The following STK38L variants were observed in gnomAD, a reference collection of about 807,000 sequenced individuals.
STK38L encodes the protein serine/threonine-protein kinase 38-like.
Under a neutral mutation model 59.7 loss-of-function variants are expected in STK38L, and 28 were observed. The observed-to-expected ratio is 0.47, with a 90% CI of 0.35 to 0.64. STK38L has a LOEUF of 0.64. Ranked by LOEUF, STK38L falls within the 30% of genes least tolerant of loss-of-function variation. The pLI is 0.01. For synonymous variants in STK38L, 162 were observed against 176.8 expected, an observed-to-expected ratio of 0.92 and a Z score of 0.66; for missense variants, 314 against 555.8, an observed-to-expected ratio of 0.56 and a Z score of 4.37.
intron 3 of STK38L, among the ~76,000 whole-genome samples, chr12:27,304,128 C>CTG (rs886577400): frequency 6.6e-6 from 1 of 151,474 alleles, no homozygotes. Context: ...GCATGGTGTC[C>CTG]TGTGTGTGTA....
chr12:27,260,256 A>G (rs1943177301), intron 1 of STK38L, among the ~76,000 whole-genome samples: 1 of 152,208 alleles, frequency 6.6e-6, no homozygotes, highest in South Asian at 2.1e-4. Flanking sequence ...GATATGGAAC[A>G]TTTCCCTTGT....
rs1380088858 is a variant in STK38L, at chr12:27,297,736, G to A, written c.16G>A (p.Gly6Arg). 1.2e-6 allele frequency: 2 copies of A among 1,613,592 alleles called. No individual in the cohort carries two copies. The highest frequency in any genetic ancestry group is 3.3e-5 in the Admixed American group (2 of 59,946). MAMTA[G>R]TTTTFPMSNH... ...TTCCGTTACTATGGCAATGACGGCA[G>A]GGACTACAACAACCTTTCCTATGAG... The change falls in exon 2 of 14, where the codon GGG becomes AGG. Residue 6 changes from glycine to arginine, a missense_variant. By Grantham distance (125) the Gly-to-Arg change is moderately radical. This residue lies in a region of STK38L where 192 missense variants were observed against 316.9 expected (regional missense o/e 0.61). Coordinates refer to ENST00000389032, the MANE Select transcript of STK38L (RefSeq NM_015000.4).
At chr12:27,279,051 T>C (rs1943596414) in intron 1 of STK38L, among the ~76,000 whole-genome samples, 1 of 152,226 alleles carries the variant, frequency 6.6e-6, no homozygotes, top group Non-Finnish European at 1.5e-5. Flanking sequence ...TTTTCAACTT[T>C]AGGTTGGGTT....
At chr12:27,250,043 C>T (rs1942939022) in intron 1 of STK38L, among the ~76,000 whole-genome samples, 1 of 152,110 alleles carries the variant, frequency 6.6e-6, no homozygotes, top group Admixed American at 6.5e-5. Context: ...CAGAAACTAA[C>T]ATGAGGGCAT....
At chr12:27,278,535 T>C (rs1363279543) in intron 1 of STK38L, among the ~76,000 whole-genome samples, 2 of 152,222 alleles carry the variant, frequency 1.3e-5, no homozygotes, top group East Asian at 1.9e-4. Context: ...GCTTGGTACA[T>C]TGATAGGTGC....
chr12:27,285,421 A>G (rs1305441825), intron 1 of STK38L, among the ~76,000 whole-genome samples: 2 of 152,018 alleles, frequency 1.3e-5, no homozygotes, highest in African/African-American at 2.4e-5. Flanking sequence ...AACTCAGTCT[A>G]TTTTTCAAGT....
Position 27,322,834 on chromosome 12 carries a change from G to A in STK38L, c.*379G>A, listed in dbSNP as rs568779292. 1.2e-5 allele frequency: 2 copies of A among 161,962 alleles called. No individual in the cohort carries two copies. Among genetic ancestry groups the A allele is most frequent in the East Asian group, 3.7e-4 (2 of 5,472 alleles). The allele number at this position is 161,962 out of a possible 1,614,324, so 10.0% of individuals were successfully genotyped here. ...AACACATATCATTTAAAGCAACATA[G>A]GCTAACCTGTAGGTAACACTGCAGT... On this transcript the variant is annotated 3_prime_UTR_variant, in exon 14 of 14. Transcript: ENST00000389032.
intron 1 of STK38L, among the ~76,000 whole-genome samples, chr12:27,251,681 C>A (rs1459922563): frequency 6.6e-6 from 1 of 152,214 alleles, no homozygotes; most frequent in Non-Finnish European, 1.5e-5. Context: ...GTTCTGACTT[C>A]ATTTAAGCCA....
At chr12:27,270,121 T>C (rs1359763323) in intron 1 of STK38L, among the ~76,000 whole-genome samples, 1 of 152,250 alleles carries the variant, frequency 6.6e-6, no homozygotes, top group Non-Finnish European at 1.5e-5. Context: ...CAAAACATTT[T>C]TGGCACTGTG....
chr12:27,281,952 C>CT (rs1943669935), intron 1 of STK38L, among the ~76,000 whole-genome samples: 1 of 152,176 alleles, frequency 6.6e-6, no homozygotes, highest in African/African-American at 2.4e-5. Flanking sequence ...CGGAGAATTG[C>CT]TTTAACCCGG....
chr12:27,280,568 C>A (rs183862480), intron 1 of STK38L, among the ~76,000 whole-genome samples: 1 of 152,206 alleles, frequency 6.6e-6, no homozygotes. Context: ...TCCTGGGAAC[C>A]CATCTAGATG....
In STK38L at chr12:27,314,533, G is replaced by A; in HGVS notation, c.547G>A (p.Asp183Asn). 6.3e-7 allele frequency: 1 copy of A among 1,580,966 alleles called. No individual in the cohort carries two copies. Among genetic ancestry groups the A allele is most frequent in the Non-Finnish European group, 8.6e-7 (1 of 1,164,300 alleles). ...CATGATGACATTGCTAATGAAGAAA[G>A]ACACCTTGACAGAAGAGGAAACACA... ...GDMMTLLMKK[D>N]TLTEEETQFY... The change falls in exon 7 of 14, where the codon GAC (aspartate) becomes AAC (asparagine). Residue 183 changes from aspartate (D) to asparagine (N), a missense_variant. Physicochemically the swap from Asp to Asn is conservative, Grantham distance 23 (BLOSUM62 1). Coordinates refer to ENST00000389032, the MANE Select transcript of STK38L (RefSeq NM_015000.4).
intron 1 of STK38L, among the ~76,000 whole-genome samples, chr12:27,292,433 G>A (rs2136634896): frequency 6.6e-6 from 1 of 152,298 alleles, no homozygotes; most frequent in African/African-American, 2.4e-5. Flanking sequence ...ATAATCATGA[G>A]TAAGGGTGGG....
chr12:27,308,356 A>G lies in STK38L; in HGVS notation c.204A>G (p.Ser68=), dbSNP rs1944366427. ...LADEEKKLRR[S]QHARKETEFL... ...TTTAATAGAAAAAGTTACGTCGATC[A>G]CAACACGCTCGCAAAGAAACAGAGT... The change falls in exon 4 of 14, where the codon TCA becomes TCG. Residue 68 remains serine, a synonymous_variant. Coordinates refer to ENST00000389032, the MANE Select transcript of STK38L (RefSeq NM_015000.4). The surrounding 1 kb of genome is among the most constrained non-coding windows in gnomAD (Gnocchi z 4.5). The G allele has an allele frequency of 1.3e-6, 2 of 1,568,578 alleles. No homozygotes were observed. The highest frequency in any genetic ancestry group is 1.2e-5 in the South Asian group (1 of 83,764).
chr12:27,303,617 G>A (rs1187110718), intron 3 of STK38L, among the ~76,000 whole-genome samples: 1 of 152,148 alleles, frequency 6.6e-6, no homozygotes, highest in East Asian at 1.9e-4. Flanking sequence ...GAGAGGGAGA[G>A]TGAGTGAGTG....
intron 6 of STK38L, 57 bp from the exon 7 acceptor site, chr12:27,314,447 G>A: frequency 6.3e-6 from 8 of 1,269,868 alleles, no homozygotes; most frequent in South Asian, 4.4e-5. Flanking sequence ...GCTTTTACAA[G>A]GTATTCCACC....
intron 1 of STK38L, among the ~76,000 whole-genome samples, chr12:27,255,151 T>C (rs1287561992): frequency 6.6e-6 from 1 of 152,194 alleles, no homozygotes; most frequent in Non-Finnish European, 1.5e-5. Flanking sequence ...TTAGCCCCAT[T>C]GTATAGCCCA....
intron 2 of STK38L, among the ~76,000 whole-genome samples, chr12:27,298,708 A>G (rs1944090857): frequency 6.6e-6 from 1 of 152,214 alleles, no homozygotes; most frequent in South Asian, 2.1e-4. Context: ...GAGAAGAACT[A>G]TTTATACATG....
rs1449236497 is a variant in STK38L at position 27,309,214 on chromosome 12, A to G, written c.393+17A>G. The stretch of plus-strand genomic sequence containing the variant: ...AAAGAGCAGGTATGAGTTCTTTAAC[A>G]CATGTAATATAAAGGAGCATCCACT... On this transcript the variant is annotated intron_variant, in intron 5 of 13. Transcript: ENST00000389032. The G allele has an allele frequency of 6.4e-7, 1 of 1,565,904 alleles. No homozygotes were observed.
Sources: allele counts gnomAD v4.1 joint callset (sites outside exome capture counted in the v4.1 genomes callset), GRCh38; gene constraint gnomAD v4.1.1; regional missense constraint gnomAD v4.1.1; non-coding constraint Gnocchi (gnomAD v3.1); transcripts MANE v1.5; gene names NCBI Gene and HGNC (gene_info 2026-07-23, HGNC 2026-07-21).